Variants in CNTNAP3 observed in about 807,000 individuals in gnomAD.
The protein encoded by CNTNAP3 is contactin associated protein family member 3, also known as contactin-associated protein-like 3.
A neutral mutation model predicts 92.1 loss-of-function variants in CNTNAP3; 36 were observed. That is an observed-to-expected ratio of 0.39 (90% CI 0.30 to 0.52). The LOEUF (loss-of-function observed/expected upper bound fraction) is 0.52, where lower values mean the gene tolerates loss of function less well. Among genes scored for constraint, CNTNAP3 ranks in the 20% least tolerant of loss-of-function variants. CNTNAP3 has a pLI of 0.76. For missense variants in CNTNAP3, 534 were observed against 1,069.6 expected (o/e 0.50, Z 6.98); for synonymous variants, 232 against 422.3 (o/e 0.55, Z 5.53).
chr9:39,077,430 G>C (rs868404436), intron 23 of CNTNAP3, among the ~76,000 whole-genome samples: 2,680 of 151,716 alleles, frequency 0.018, 25 homozygotes, highest in African/African-American at 0.061. Flanking sequence ...GGTGGCGGGC[G>C]CCTGTAGTTT....
At chr9:39,113,521 T>C (rs1319561836) in intron 14 of CNTNAP3, among the ~76,000 whole-genome samples, 5 of 151,546 alleles carry the variant, frequency 3.3e-5, no homozygotes, top group African/African-American at 4.8e-5. Context: ...TATTTCTTTA[T>C]ATTATTTTGG....
At chr9:39,097,694 C>T (rs1623898) in intron 18 of CNTNAP3, among the ~76,000 whole-genome samples, 19,466 of 125,508 alleles carry the variant, frequency 0.16, 1,815 homozygotes, top group East Asian at 0.26. Flanking sequence ...GAGGAAACCT[C>T]TGGCTTCTTG....
Position 39,103,956 on chromosome 9 carries a change from G to C in CNTNAP3, c.2366-42C>G, listed in dbSNP as rs887945989. The C allele has an allele frequency of 3.3e-6, 5 of 1,510,916 alleles. No homozygotes were observed. In the African/African-American group the frequency reaches 7.0e-5, roughly 21 times the overall value. 93.6% of individuals were successfully genotyped at this position (1,510,916 alleles called of 1,614,324 possible). A position where few individuals can be genotyped will look rare whatever the true frequency, so the allele number is the denominator to read the frequency against. On this transcript the variant is annotated intron_variant, in intron 15 of 23. Transcript: ENST00000297668. The stretch of plus-strand genomic sequence containing the variant: ...AAACGACAAAAGGAAAAAAAGTCAT[G>C]AAACAAAAATAACAGCTACATTTGA...
chr9:39,150,942 A>AG (rs1821828740), intron 9 of CNTNAP3, among the ~76,000 whole-genome samples: 1 of 146,028 alleles, frequency 6.8e-6, no homozygotes, highest in Non-Finnish European at 1.5e-5. Flanking sequence ...CCAAGCATAT[A>AG]GGAAAGTAGT....
rs1041038438 is a variant in CNTNAP3, at chr9:39,071,500, T to C, written c.*2390A>G. Among the ~76,000 whole-genome samples, 7 of 151,808 alleles carry C rather than the reference T, an allele frequency of 4.6e-5. No individual in the cohort carries two copies. Among genetic ancestry groups the C allele is most frequent in the African/African-American group, 1.7e-4 (7 of 41,316 alleles). On this transcript the variant is annotated 3_prime_UTR_variant, in exon 24 of 24. Coordinates refer to ENST00000297668, the MANE Select transcript of CNTNAP3 (RefSeq NM_033655.5). ...CATCAGAATCTTCAGCTTTCTCAAA[T>C]GAAGAATGGTAATTATATGCTATTT...
chr9:39,082,265 A>G (rs1000456525), intron 21 of CNTNAP3, among the ~76,000 whole-genome samples: 9 of 151,886 alleles, frequency 5.9e-5, no homozygotes, highest in Admixed American at 5.9e-4. Flanking sequence ...AGAAAGTTCT[A>G]TTGGACAGCA....
intron 13 of CNTNAP3, among the ~76,000 whole-genome samples, chr9:39,124,391 A>G (rs996108811): frequency 2.6e-5 from 4 of 152,158 alleles, no homozygotes; most frequent in Non-Finnish European, 4.4e-5. Flanking sequence ...AAGGGCAACA[A>G]ATAAAAAAGA....
At chr9:39,121,056 C>T (rs1428181449) in intron 13 of CNTNAP3, among the ~76,000 whole-genome samples, 5 of 151,078 alleles carry the variant, frequency 3.3e-5, no homozygotes, top group South Asian at 2.1e-4. Context: ...TACCAAGCAA[C>T]GAGTAAGAAA....
At chr9:39,130,374 A>G (rs575309937) in intron 13 of CNTNAP3, among the ~76,000 whole-genome samples, 1 of 152,298 alleles carries the variant, frequency 6.6e-6, no homozygotes, top group East Asian at 1.9e-4. Context: ...CAGAGTGAAA[A>G]AAACTCAACC....
intron 14 of CNTNAP3, among the ~76,000 whole-genome samples, chr9:39,111,840 T>C (rs1826754707): frequency 6.6e-6 from 1 of 152,134 alleles, no homozygotes; most frequent in Non-Finnish European, 1.5e-5. Flanking sequence ...GGGCAGATAC[T>C]ATAATAAAGT....
chr9:39,168,165 C>T lies in CNTNAP3; in HGVS notation c.1334-2089G>A, dbSNP rs200354350. Among the ~76,000 whole-genome samples, 379 of 124,700 alleles carry T rather than the reference C, an allele frequency of 3.0e-3. 10 individuals are homozygous for T. In the East Asian group the frequency reaches 0.077, roughly 25 times the overall value. 81.8% of individuals were successfully genotyped at this position (124,700 alleles called of 152,430 possible). ...CTGAGTAGCTAGGACTACAGGCACCCGCCACCACGCCTGGCTAATTTTTTT... is the reference window on the plus strand; with the variant it reads ...CTGAGTAGCTAGGACTACAGGCACCTGCCACCACGCCTGGCTAATTTTTTT... On this transcript the variant is annotated intron_variant, in intron 8 of 23. Coordinates refer to ENST00000297668, the MANE Select transcript of CNTNAP3 (RefSeq NM_033655.5).
chr9:39,139,526 T>A (rs1587728139), intron 12 of CNTNAP3, among the ~76,000 whole-genome samples: 1 of 152,232 alleles, frequency 6.6e-6, no homozygotes, highest in Admixed American at 6.5e-5. Flanking sequence ...GTTATTTGTT[T>A]CTTTTTCCTT....
chr9:39,089,866 T>C (rs1396746151), intron 18 of CNTNAP3, among the ~76,000 whole-genome samples: 1 of 152,214 alleles, frequency 6.6e-6, no homozygotes, highest in Admixed American at 6.5e-5. Flanking sequence ...GCTGAAGAAA[T>C]ATCTATTTAT....
At chr9:39,075,225 G>A (rs1231517265) in intron 23 of CNTNAP3, among the ~76,000 whole-genome samples, 1 of 151,282 alleles carries the variant, frequency 6.6e-6, no homozygotes, top group Non-Finnish European at 1.5e-5. Flanking sequence ...ACCATTAGCA[G>A]TGTCCATGAT....
At chr9:39,127,251 C>CAACA (rs1821172822) in intron 13 of CNTNAP3, among the ~76,000 whole-genome samples, 1 of 151,884 alleles carries the variant, frequency 6.6e-6, no homozygotes, top group Admixed American at 6.6e-5. Flanking sequence ...AATGAGAATA[C>CAACA]AACATATCAA....
chr9:39,148,626 C>T (rs141534256), intron 10 of CNTNAP3, among the ~76,000 whole-genome samples: 1,803 of 151,736 alleles, frequency 0.012, 38 homozygotes, highest in African/African-American at 0.04. Flanking sequence ...CCACGGTTCA[C>T]GCCATTCTCC....
intron 12 of CNTNAP3, among the ~76,000 whole-genome samples, chr9:39,138,603 G>C (rs1249307413): frequency 1.3e-5 from 2 of 152,178 alleles, no homozygotes; most frequent in African/African-American, 4.8e-5. Flanking sequence ...CTGGAAGCAT[G>C]AGGAGATTTT....
chr9:39,071,501 G>A lies in CNTNAP3; in HGVS notation c.*2389C>T, dbSNP rs551591076. Among the ~76,000 whole-genome samples the A allele has an allele frequency of 2.9e-4, 44 of 151,856 alleles. No individual in the cohort carries two copies. The South Asian group carries it at 8.7e-3, about 30-fold the overall frequency. Reference sequence around the variant, plus strand: ...ATCAGAATCTTCAGCTTTCTCAAATGAAGAATGGTAATTATATGCTATTTT... The same window carrying A: ...ATCAGAATCTTCAGCTTTCTCAAATAAAGAATGGTAATTATATGCTATTTT... On this transcript the variant is annotated 3_prime_UTR_variant, in exon 24 of 24. Coordinates refer to ENST00000297668, the MANE Select transcript of CNTNAP3 (RefSeq NM_033655.5).
chr9:39,081,782 T>C (rs1039055651), intron 21 of CNTNAP3, among the ~76,000 whole-genome samples: 3 of 151,688 alleles, frequency 2.0e-5, no homozygotes, highest in Non-Finnish European at 4.4e-5. Flanking sequence ...CATGTGACCA[T>C]TGAGATTCAA....
Sources: gnomAD v4.1 joint callset for allele counts (sites outside exome capture counted in the v4.1 genomes callset) on GRCh38, gnomAD v4.1.1 for gene constraint, MANE v1.5 for transcripts, NCBI Gene and HGNC (gene_info 2026-07-23, HGNC 2026-07-21) for gene names.